The following KALRN variants were observed in gnomAD, a reference collection of about 807,000 sequenced individuals.
The protein encoded by KALRN is kalirin.
KALRN carries 70 observed loss-of-function variants against 353.7 expected under a neutral mutation model. That is an observed-to-expected ratio of 0.20 (90% CI 0.16 to 0.24). The LOEUF is 0.24. Among genes scored for constraint, KALRN ranks in the 10% least tolerant of loss-of-function variants. KALRN has a pLI of 1.00. For missense variants in KALRN, 2,791 were observed against 3,756.7 expected, an observed-to-expected ratio of 0.74 and a Z score of 6.72; for synonymous variants, 1,391 against 1,434.8, an observed-to-expected ratio of 0.97 and a Z score of 0.69.
At chr3:124,228,699 C>A (rs6438836) in intron 2 of KALRN, among the ~76,000 whole-genome samples, 7 of 151,920 alleles carry the variant, frequency 4.6e-5, no homozygotes, top group African/African-American at 1.7e-4. Context: ...TATTAGTTTC[C>A]CATTGATGGT....
At position 124,725,465 on chromosome 3, in the gene KALRN, A is replaced by G. The variant is rs528206364; in HGVS notation, c.*5995A>G. The G allele has an allele frequency of 6.6e-6, 1 of 152,374 alleles. No individual in the cohort carries two copies. The highest frequency in any genetic ancestry group is 2.1e-4 in the South Asian group (1 of 4,828). 9.4% of individuals were successfully genotyped at this position (152,374 alleles called of 1,614,324 possible). On this transcript the variant is annotated 3_prime_UTR_variant, in exon 60 of 60. Coordinates refer to ENST00000682506, the MANE Select transcript of KALRN (RefSeq NM_001388419.1). ...GTGCAAACTGTTGGAAAATATGGAT[A>G]TATGTACATCTGTACATGTATATAG... is the stretch of plus-strand genomic sequence containing the variant.
intron 1 of KALRN, among the ~76,000 whole-genome samples, chr3:124,145,950 C>A (rs1238136200): frequency 6.6e-6 from 1 of 152,172 alleles, no homozygotes; most frequent in Non-Finnish European, 1.5e-5. Flanking sequence ...TTCAAGGGTG[C>A]ACCATCAAGG....
At chr3:124,573,135 G>T (rs994726074) in intron 34 of KALRN, among the ~76,000 whole-genome samples, 1 of 152,146 alleles carries the variant, frequency 6.6e-6, no homozygotes, top group Non-Finnish European at 1.5e-5. Flanking sequence ...AAATAAGCCG[G>T]ATGTGATCAT....
chr3:124,441,999 A>G lies in KALRN; in HGVS notation c.3253A>G (p.Asn1085Asp), dbSNP rs772957046. The G allele has an allele frequency of 1.2e-6, 2 of 1,607,796 alleles. No individual in the cohort carries two copies. Among genetic ancestry groups the G allele is most frequent in the Non-Finnish European group, 1.7e-6 (2 of 1,175,212 alleles). Reference protein sequence around the residue: ...AEVFLKYIHRNNVSMPSVASH... With the variant: ...AEVFLKYIHRDNVSMPSVASH... ...GGTGTTTCTCAAGTACATCCACAGG[A>G]ACAACGTCAGCATGCCCAGTGTCGC... is the stretch of plus-strand genomic sequence containing the variant. Residue 1085 changes from asparagine to aspartate, a missense_variant, in exon 19 of 60, where the codon AAC becomes GAC. Around this residue, in one of 11 missense-constraint regions of KALRN, gnomAD observed 268 missense variants for 347.0 expected, o/e 0.77. Transcript: ENST00000682506.
At chr3:124,422,492 A>G (rs1472821783) in intron 14 of KALRN, among the ~76,000 whole-genome samples, 1 of 152,176 alleles carries the variant, frequency 6.6e-6, no homozygotes, top group Admixed American at 6.5e-5. Flanking sequence ...GGGTGTTGGC[A>G]AATCCCCCAG....
Position 124,462,551 on chromosome 3 carries a change from G to A in KALRN, c.3949G>A (p.Val1317Met), listed in dbSNP as rs751605897. The part of the protein sequence containing the change: ...ETYLWEMTSG[V>M]EEIPPGILNK... ...CTACCTGTGGGAAATGACCAGTGGT[G>A]TGGAGGAGATCCCCCCTGGGATCCT... Residue 1317 changes from valine (V) to methionine (M), a missense_variant, in exon 25 of 60, where the codon GTG becomes ATG. Val to Met is a conservative substitution (Grantham distance 21). This residue lies in a region of KALRN where 268 missense variants were observed against 347.0 expected (regional missense o/e 0.77). Transcript: ENST00000682506. The A allele has an allele frequency of 6.2e-7, 1 of 1,610,844 alleles. No individual in the cohort carries two copies. Among genetic ancestry groups the A allele is most frequent in the South Asian group, 1.1e-5 (1 of 90,986 alleles).
Position 124,472,961 on chromosome 3 carries a change from T to A in KALRN, c.4032-1702T>A, listed in dbSNP as rs568073484. On this transcript the variant is annotated intron_variant, in intron 25 of 59. Coordinates refer to ENST00000682506, the MANE Select transcript of KALRN (RefSeq NM_001388419.1). ...AGCTAGGAGTCTCCCAGATTTTTTT[T>A]AAATGGCTTTTTGCTTATCGCTAAA... 9.8e-5 allele frequency among the ~76,000 whole-genome samples: 15 copies of A among 152,320 alleles called. No individual in the cohort carries two copies. The South Asian group carries it at 1.9e-3, about 19-fold the overall frequency.
chr3:124,080,891 T>G (rs1398452645), intron 1 of KALRN, among the ~76,000 whole-genome samples: 1 of 152,170 alleles, frequency 6.6e-6, no homozygotes, highest in Non-Finnish European at 1.5e-5. Flanking sequence ...GATCTCCTGA[T>G]CTAAGGAAAC....
intron 34 of KALRN, among the ~76,000 whole-genome samples, chr3:124,589,049 G>C (rs1447277114): frequency 6.6e-6 from 1 of 152,150 alleles, no homozygotes; most frequent in African/African-American, 2.4e-5. Context: ...CTTCCTGCTT[G>C]TCTCTGATGT....
chr3:124,656,009 A>G (rs143720496), intron 39 of KALRN, among the ~76,000 whole-genome samples: 1 of 152,330 alleles, frequency 6.6e-6, no homozygotes, highest in Non-Finnish European at 1.5e-5. Flanking sequence ...CTTCAGAGCT[A>G]TGAGCCACAT....
intron 34 of KALRN, among the ~76,000 whole-genome samples, chr3:124,589,376 G>C (rs909948294): frequency 6.6e-6 from 1 of 152,138 alleles, no homozygotes; most frequent in Non-Finnish European, 1.5e-5. Context: ...CAGGAGGACT[G>C]TGTGAGCCCA....
intron 1 of KALRN, among the ~76,000 whole-genome samples, chr3:124,125,223 T>C (rs562652749): frequency 1.5e-4 from 23 of 152,342 alleles, no homozygotes; most frequent in Non-Finnish European, 8.8e-5. Context: ...AGGATTATCA[T>C]TGCCCTTTTA....
At position 124,555,051 on chromosome 3, in the gene KALRN, G is replaced by T. The variant is rs376589019; in HGVS notation, c.4936-7792G>T. 1.5e-4 allele frequency among the ~76,000 whole-genome samples: 23 copies of T among 152,210 alleles called. 1 individual carries two copies. In the East Asian group the frequency reaches 4.2e-3, roughly 28 times the overall value. On this transcript the variant is annotated intron_variant, in intron 33 of 59. Transcript: ENST00000682506. ...GGAAAGTGCGCATAGGATAGAAGAG[G>T]GATCTAGGAGTCCCATCTTCCTGTT...
intron 4 of KALRN, among the ~76,000 whole-genome samples, chr3:124,266,861 G>A (rs185464075): frequency 6.6e-6 from 1 of 152,164 alleles, no homozygotes; most frequent in Admixed American, 6.5e-5. Flanking sequence ...CTATATTTTG[G>A]CTTGTTTATA....
intron 33 of KALRN, among the ~76,000 whole-genome samples, chr3:124,513,153 G>C (rs2066136707): frequency 6.6e-6 from 1 of 152,158 alleles, no homozygotes; most frequent in Admixed American, 6.5e-5. Context: ...CTTGGACTGT[G>C]AAAAGAAAGA....
chr3:124,108,018 A>G (rs957620182), intron 1 of KALRN, among the ~76,000 whole-genome samples: 2 of 152,196 alleles, frequency 1.3e-5, no homozygotes, highest in Non-Finnish European at 2.9e-5. Flanking sequence ...TGTTAATCAC[A>G]TCTTGAACAC....
At chr3:124,162,907 G>A (rs978715813) in intron 1 of KALRN, 4 of 152,284 alleles carry the variant, frequency 2.6e-5, no homozygotes, top group Non-Finnish European at 4.4e-5. Context: ...AGTGAGAGGA[G>A]GCCCATGATG....
At chr3:124,529,661 T>C (rs945330182) in intron 33 of KALRN, among the ~76,000 whole-genome samples, 1 of 152,004 alleles carries the variant, frequency 6.6e-6, no homozygotes, top group Non-Finnish European at 1.5e-5. Flanking sequence ...TCACTGACAA[T>C]TCAAATAATT....
At chr3:124,238,934 G>A (rs986912628) in intron 3 of KALRN, among the ~76,000 whole-genome samples, 7 of 152,116 alleles carry the variant, frequency 4.6e-5, no homozygotes, top group African/African-American at 1.7e-4. Context: ...GTAACAGGGT[G>A]GGAAGAAACC....
Sources: allele counts gnomAD v4.1 joint callset (sites outside exome capture counted in the v4.1 genomes callset), GRCh38; gene constraint gnomAD v4.1.1; regional missense constraint gnomAD v4.1.1; transcripts MANE v1.5; gene names NCBI Gene and HGNC (gene_info 2026-07-23, HGNC 2026-07-21).